The following TNXB variants were observed in gnomAD, a reference collection of about 807,000 sequenced individuals.
The protein encoded by TNXB is tenascin XB, also known as tenascin-X.
Under a neutral mutation model 340.5 loss-of-function variants are expected in TNXB, and 183 were observed. The ratio of observed to expected loss-of-function variants is 0.54; its 90% CI spans 0.48 to 0.61. The LOEUF is 0.61. Ranked by LOEUF, TNXB falls within the 20% of genes least tolerant of loss-of-function variation. TNXB has a pLI of 0.00. For missense variants in TNXB, 4,613 were observed against 5,446.4 expected (o/e 0.85, Z 4.82); for synonymous variants, 2,121 against 2,314.5 (o/e 0.92, Z 2.40).
rs1777408112 is a variant in TNXB at position 32,053,303 on chromosome 6, G to A, written c.8791+85C>T. 7 of 1,533,398 alleles carry A rather than the reference G, an allele frequency of 4.6e-6. No individual in the cohort carries two copies. In the East Asian group the frequency reaches 7.3e-5, roughly 16 times the overall value. 95.0% of individuals were successfully genotyped at this position (1,533,398 alleles called of 1,614,324 possible). A position where few individuals can be genotyped will look rare whatever the true frequency, so the allele number is the denominator to read the frequency against. ...TACCATGGCTCAGCCAAGAGCAGAG[G>A]GGCTTCCTGGGCCAGTTCACCCATC... On this transcript the variant is annotated intron_variant, in intron 25 of 43. Transcript: ENST00000644971.
At chr6:32,054,448 G>A (rs745868073) in intron 24 of TNXB, among the ~76,000 whole-genome samples, 16 of 152,134 alleles carry the variant, frequency 1.1e-4, no homozygotes, top group Non-Finnish European at 1.9e-4. Context: ...AACTGCAAAG[G>A]ACACCCCACT....
chr6:32,079,010 G>T lies in TNXB; in HGVS notation c.4375+23C>A. 3 of 1,600,568 alleles carry T rather than the reference G, an allele frequency of 1.9e-6. No individual in the cohort carries two copies. The highest frequency in any genetic ancestry group is 2.6e-6 in the Non-Finnish European group (3 of 1,174,192). Reference sequence around the variant, plus strand: ...GAGCCAGCAGTGGGAGGGAACCAAAGCAGGCCCCTGCCCCTCACTCACCTG... The same window carrying T: ...GAGCCAGCAGTGGGAGGGAACCAAATCAGGCCCCTGCCCCTCACTCACCTG... On this transcript the variant is annotated intron_variant, in intron 11 of 43. Coordinates refer to ENST00000644971, the MANE Select transcript of TNXB (RefSeq NM_001365276.2). The surrounding 1 kb of genome is among the most constrained non-coding windows in gnomAD (Gnocchi z 7.1).
At position 32,042,381 on chromosome 6, in the gene TNXB, C is replaced by A. The variant is rs1420965946; in HGVS notation, c.12211-19G>T. On this transcript the variant is annotated intron_variant, in intron 40 of 43. Transcript: ENST00000644971. ...GGAACACCTGGGAAGCAAGTGGGGG[C>A]ACCATCAGCCTCTGGCTCCCGGGGC... 1.9e-6 allele frequency: 3 copies of A among 1,593,130 alleles called. No individual in the cohort carries two copies. The highest frequency in any genetic ancestry group is 3.3e-4 in the Middle Eastern group (2 of 5,996).
chr6:32,041,208 C>A lies in TNXB; in HGVS notation c.*141G>T. 2.2e-6 allele frequency: 2 copies of A among 927,632 alleles called. No homozygotes were observed. The highest frequency in any genetic ancestry group is 2.4e-5 in the East Asian group (1 of 40,974). The allele number at this position is 927,632 out of a possible 1,614,324, so 57.5% of individuals were successfully genotyped here. ...TCCCGTACGAACCCCTCCCCTCCCC[C>A]CTGTAAACACAGTGCTGCGAGATCG... is the stretch of plus-strand genomic sequence containing the variant. On this transcript the variant is annotated 3_prime_UTR_variant, in exon 44 of 44. Coordinates refer to ENST00000644971, the MANE Select transcript of TNXB (RefSeq NM_001365276.2).
In TNXB at chr6:32,067,926, A is replaced by C; in HGVS notation, c.6279T>G (p.Ala2093=). ...TEPSMEAPEP[A]EEPLLGELTV... ...TTAGCTCCCCCAGGAGCGGCTCCTCAGCGGGCTCCGGGGCCTCCATGCTGG... is the reference window on the plus strand; with the variant it reads ...TTAGCTCCCCCAGGAGCGGCTCCTCCGCGGGCTCCGGGGCCTCCATGCTGG... The change falls in exon 18 of 44, where the codon GCT becomes GCG. Residue 2093 remains alanine (A), a synonymous_variant. Coordinates refer to ENST00000644971, the MANE Select transcript of TNXB (RefSeq NM_001365276.2). The surrounding 1 kb of genome is among the most constrained non-coding windows in gnomAD (Gnocchi z 4.2). The C allele has an allele frequency of 1.2e-6, 2 of 1,612,484 alleles. No homozygotes were observed. Among genetic ancestry groups the C allele is most frequent in the Non-Finnish European group, 1.7e-6 (2 of 1,179,844 alleles).
chr6:32,086,295 A>G (rs1221767527), intron 6 of TNXB, among the ~76,000 whole-genome samples, 177 bp from the exon 7 acceptor site: 2 of 152,052 alleles, frequency 1.3e-5, no homozygotes, highest in African/African-American at 2.4e-5. Flanking sequence ...AAACACCCCC[A>G]TCTACCACAT....
chr6:32,091,569 C>T (rs1400099339), intron 4 of TNXB, among the ~76,000 whole-genome samples: 1 of 151,754 alleles, frequency 6.6e-6, no homozygotes, highest in African/African-American at 2.4e-5. Flanking sequence ...CCTCCGCCTC[C>T]AAGATTCAAG....
intron 1 of TNXB, among the ~76,000 whole-genome samples, chr6:32,100,444 T>C (rs985716912): frequency 3.9e-5 from 6 of 152,016 alleles, no homozygotes; most frequent in East Asian, 1.9e-4. Context: ...AACCTAACCA[T>C]AGGCCGGGTG....
chr6:32,049,689 T>C lies in TNXB; in HGVS notation c.9440-102A>G, dbSNP rs1777146892. 19 of 1,362,878 alleles carry C rather than the reference T, an allele frequency of 1.4e-5. No homozygotes were observed. Among genetic ancestry groups the C allele is most frequent in the Non-Finnish European group, 1.7e-5 (17 of 1,010,878 alleles). 84.4% of individuals were successfully genotyped at this position (1,362,878 alleles called of 1,614,324 possible). On this transcript the variant is annotated intron_variant, in intron 27 of 43. Transcript: ENST00000644971. This position sits in a 1 kb window ranked among gnomAD's most constrained non-coding sequence, Gnocchi z 4.5. ...TATGACTGGGGGACCTGAGGTCATT[T>C]CAGAGAAGTCCATTCTTGGGGCTGG... is the stretch of plus-strand genomic sequence containing the variant.
Position 32,081,983 on chromosome 6 carries a change from T to G in TNXB, c.3736+53A>C. The G allele has an allele frequency of 1.3e-6, 2 of 1,527,750 alleles. No individual in the cohort carries two copies. Among genetic ancestry groups the G allele is most frequent in the Non-Finnish European group, 1.8e-6 (2 of 1,131,078 alleles). The allele number at this position is 1,527,750 out of a possible 1,614,324, so 94.6% of individuals were successfully genotyped here. ...CAGCTGGTTTTGGGCTGAAGGGAAG[T>G]GTGCATGGGGCTGAGAAGGGGTCAC... On this transcript the variant is annotated intron_variant, in intron 9 of 43. Coordinates refer to ENST00000644971, the MANE Select transcript of TNXB (RefSeq NM_001365276.2). The surrounding 1 kb of genome is among the most constrained non-coding windows in gnomAD (Gnocchi z 5.1).
In TNXB at chr6:32,052,170, G is replaced by A. The variant is rs1264249455; in HGVS notation, c.9115+500C>T. 6.6e-6 allele frequency among the ~76,000 whole-genome samples: 1 copy of A among 152,228 alleles called. No homozygotes were observed. The highest frequency in any genetic ancestry group is 1.5e-5 in the Non-Finnish European group (1 of 68,046). ...AGAATCTTGTTAGAAATGGATGGTC[G>A]GCTGGGCGCCGTGGCTCACGCCTAT... On this transcript the variant is annotated intron_variant, in intron 26 of 43. Transcript: ENST00000644971. This position sits in a 1 kb window ranked among gnomAD's most constrained non-coding sequence, Gnocchi z 4.7.
chr6:32,052,644 A>G lies in TNXB; in HGVS notation c.9115+26T>C. On this transcript the variant is annotated intron_variant, in intron 26 of 43. Transcript: ENST00000644971. This position sits in a 1 kb window ranked among gnomAD's most constrained non-coding sequence, Gnocchi z 4.7. The stretch of plus-strand genomic sequence containing the variant: ...AGTGTCTTCCAGGGCCATCTTCCCC[A>G]CCTCGCCTCACTCACACTTACTCAC... 6.2e-7 allele frequency: 1 copy of G among 1,604,796 alleles called. No individual in the cohort carries two copies. Among genetic ancestry groups the G allele is most frequent in the Non-Finnish European group, 8.5e-7 (1 of 1,172,932 alleles).
Position 32,087,326 on chromosome 6 carries a change from T to A in TNXB, c.2780-1208A>T, listed in dbSNP as rs773788294. ...CCGTGGACCTCCACGTGGTAGGTGG[T>A]GCCGGGCCTGAGGTCGGGCAGGCTG... On this transcript the variant is annotated intron_variant, in intron 6 of 43. Coordinates refer to ENST00000644971, the MANE Select transcript of TNXB (RefSeq NM_001365276.2). This position sits in a 1 kb window ranked among gnomAD's most constrained non-coding sequence, Gnocchi z 9.0. 2.0e-6 allele frequency: 1 copy of A among 489,228 alleles called. No individual in the cohort carries two copies. The highest frequency in any genetic ancestry group is 2.1e-5 in the Admixed American group (1 of 46,762). 30.3% of individuals were successfully genotyped at this position (489,228 alleles called of 1,614,324 possible).
intron 4 of TNXB, among the ~76,000 whole-genome samples, chr6:32,094,772 G>T (rs1232080807): frequency 1.3e-5 from 2 of 152,188 alleles, no homozygotes; most frequent in Non-Finnish European, 2.9e-5. Context: ...TAGAATAGGG[G>T]CAGACGGATT....
chr6:32,073,153 C>T lies in TNXB; in HGVS notation c.4681+494G>A, dbSNP rs1291594974. ...GAAGGAGCCCAGAGCAAGAGTGAGG[C>T]AGCCTCCTGGAGAGATGAAAACTCT... On this transcript the variant is annotated intron_variant, in intron 12 of 43. Coordinates refer to ENST00000644971, the MANE Select transcript of TNXB (RefSeq NM_001365276.2). This position sits in a 1 kb window ranked among gnomAD's most constrained non-coding sequence, Gnocchi z 4.6. 6.6e-6 allele frequency among the ~76,000 whole-genome samples: 1 copy of T among 152,080 alleles called. No homozygotes were observed. Among genetic ancestry groups the T allele is most frequent in the Non-Finnish European group, 1.5e-5 (1 of 68,020 alleles).
At chr6:32,105,895 GAATA>G (rs1172451804) in intron 1 of TNXB, among the ~76,000 whole-genome samples, 11 of 152,298 alleles carry the variant, frequency 7.2e-5, no homozygotes, top group African/African-American at 2.6e-4. Context: ...CACATCAGTA[GAATA>G]AATAAATTGT....
rs1034128978 is a variant in TNXB, at chr6:32,073,660, C to T, written c.4668G>A (p.Val1556=). ...CCCATTACTCACCCGTCACGATGAC[C>T]ACAGACAGGGGGCCCATGCGTTGCC... ...HDGQRMGPLS[V]VIVTAPLPPA... Residue 1556 remains valine (V), a synonymous_variant, in exon 12 of 44, where the codon GTG becomes GTA. Transcript: ENST00000644971. The surrounding 1 kb of genome is among the most constrained non-coding windows in gnomAD (Gnocchi z 4.6). The T allele has an allele frequency of 1.2e-6, 2 of 1,607,562 alleles. No individual in the cohort carries two copies. Among genetic ancestry groups the T allele is most frequent in the African/African-American group, 1.3e-5 (1 of 74,968 alleles).
In TNXB at chr6:32,090,694, T is replaced by C. The variant is rs1562867284; in HGVS notation, c.2359-1315A>G. ...ATGAAGTAAAGCTTTGTCAGTTTTC[T>C]GGGTTGAAAAGTTTTCCTGGGCACA... On this transcript the variant is annotated intron_variant, in intron 4 of 43. Transcript: ENST00000644971. This position sits in a 1 kb window ranked among gnomAD's most constrained non-coding sequence, Gnocchi z 4.3. Among the ~76,000 whole-genome samples the C allele has an allele frequency of 6.6e-6, 1 of 152,212 alleles. No individual in the cohort carries two copies. The highest frequency in any genetic ancestry group is 6.5e-5 in the Admixed American group (1 of 15,280).
In TNXB at chr6:32,096,115, A is replaced by G. The variant is rs774549715; in HGVS notation, c.1738T>C (p.Tyr580His). 1.9e-6 allele frequency: 3 copies of G among 1,606,172 alleles called. No individual in the cohort carries two copies. The highest frequency in any genetic ancestry group is 1.1e-5 in the South Asian group (1 of 89,538). The change falls in exon 3 of 44, where the codon TAC (tyrosine) becomes CAC (histidine). Residue 580 changes from tyrosine to histidine, a missense_variant. Around this residue, in one of 7 missense-constraint regions of TNXB, gnomAD observed 4,327 missense variants for 4,859.4 expected, o/e 0.89. Coordinates refer to ENST00000644971, the MANE Select transcript of TNXB (RefSeq NM_001365276.2). ...CTCACACCGCAATCCTCGCCAGAGT[A>G]GCCGTCCTCGCACACACACCGCCCA... The part of the protein sequence containing the change: ...LDGRCVCEDG[Y>H]SGEDCGVRQC...
Sources: gnomAD v4.1 joint callset for allele counts (sites outside exome capture counted in the v4.1 genomes callset) on GRCh38, gnomAD v4.1.1 for gene constraint, gnomAD v4.1.1 regional missense constraint, Gnocchi (gnomAD v3.1) non-coding constraint, MANE v1.5 for transcripts, NCBI Gene and HGNC (gene_info 2026-07-23, HGNC 2026-07-21) for gene names.